CHD9: variants seen among roughly 807,000 people sequenced by gnomAD.
CHD9 encodes ATP-dependent chromatin remodeler CHD9.
CHD9 carries 77 observed loss-of-function variants against 316.1 expected under a neutral mutation model. That is an observed-to-expected ratio of 0.24 (90% CI 0.20 to 0.29). The LOEUF is 0.29. CHD9 is among the 10% of genes least tolerant of loss of function. CHD9 has a pLI of 1.00. For synonymous variants in CHD9, 1,129 were observed against 1,158.3 expected (o/e 0.97, Z 0.51); for missense variants, 2,763 against 3,438.1 (o/e 0.80, Z 4.91).
chr16:53,179,790 G>A (rs922570422), intron 2 of CHD9, among the ~76,000 whole-genome samples: 29 of 151,648 alleles, frequency 1.9e-4, no homozygotes, highest in Non-Finnish European at 2.9e-4. Flanking sequence ...CCAGCTGCTC[G>A]GGAGGCTGAG....
chr16:53,313,095 C>G (rs932312141), intron 34 of CHD9, among the ~76,000 whole-genome samples: 4 of 152,108 alleles, frequency 2.6e-5, no homozygotes, highest in African/African-American at 7.2e-5. Context: ...GGAACTGTTT[C>G]ATTCATACCC....
chr16:53,206,681 G>A (rs1314948202), intron 2 of CHD9, among the ~76,000 whole-genome samples: 1 of 152,082 alleles, frequency 6.6e-6, no homozygotes, highest in African/African-American at 2.4e-5. Context: ...GAAATATTAG[G>A]AATAGTGCCT....
chr16:53,304,658 C>G, intron 31 of CHD9, 33 bp downstream of exon 31: 2 of 1,229,076 alleles, frequency 1.6e-6, no homozygotes, highest in Non-Finnish European at 2.2e-6. Flanking sequence ...ACTTTTTTAA[C>G]ATAACTTTTC....
At chr16:53,166,999 C>A (rs535033933) in intron 2 of CHD9, among the ~76,000 whole-genome samples, 298 of 143,410 alleles carry the variant, frequency 2.1e-3, no homozygotes, top group Non-Finnish European at 3.5e-3. Flanking sequence ...TCATGACTTG[C>A]TTGCTGTCAC....
rs900932035 is a variant in CHD9 at position 53,226,643 on chromosome 16, G to A, written c.2043+131G>A. 8.0e-6 allele frequency: 8 copies of A among 996,956 alleles called. No individual in the cohort carries two copies. In the African/African-American group the frequency reaches 1.2e-4, roughly 15 times the overall value. The allele number at this position is 996,956 out of a possible 1,614,324, so 61.8% of individuals were successfully genotyped here. On this transcript the variant is annotated intron_variant, in intron 5 of 38. Coordinates refer to ENST00000447540, the MANE Select transcript of CHD9 (RefSeq NM_001308319.2). ...GGATTCCATATTATTAGTTAATTGA[G>A]TCATTCAAATTAGAAACCTAGGGAT...
intron 1 of CHD9, among the ~76,000 whole-genome samples, chr16:53,111,205 G>C (rs1349334791): frequency 6.6e-6 from 1 of 152,034 alleles, no homozygotes; most frequent in Non-Finnish European, 1.5e-5. Context: ...CAGAATGAGG[G>C]GGCTGGACTT....
intron 24 of CHD9, among the ~76,000 whole-genome samples, chr16:53,282,915 C>T (rs1052878874): frequency 1.3e-5 from 2 of 152,088 alleles, no homozygotes; most frequent in African/African-American, 2.4e-5. Flanking sequence ...TAGGCCTTCT[C>T]GTCACTTACT....
At chr16:53,057,028 T>G (rs2032222262) in intron 1 of CHD9, among the ~76,000 whole-genome samples, 1 of 152,046 alleles carries the variant, frequency 6.6e-6, no homozygotes, top group South Asian at 2.1e-4. Context: ...AATTTGTTTG[T>G]GGCCAGGCAT....
chr16:53,160,280 T>A (rs1320211272), intron 2 of CHD9, among the ~76,000 whole-genome samples: 1 of 152,216 alleles, frequency 6.6e-6, no homozygotes, highest in African/African-American at 2.4e-5. Flanking sequence ...GTTGCTTTTG[T>A]TTTGTTTTTT....
At chr16:53,145,048 A>G (rs2040457263) in intron 1 of CHD9, among the ~76,000 whole-genome samples, 1 of 152,020 alleles carries the variant, frequency 6.6e-6, no homozygotes, top group Admixed American at 6.5e-5. Context: ...TAAGTCAATT[A>G]AGCAAAGATA....
rs192377153 is a variant in CHD9, at chr16:53,073,920, G to A, written c.-165+18843G>A. 4.2e-3 allele frequency among the ~76,000 whole-genome samples: 644 copies of A among 152,300 alleles called. 5 individuals carry two copies. The highest frequency in any genetic ancestry group is 0.015 in the Admixed American group (224 of 15,304). On this transcript the variant is annotated intron_variant, in intron 1 of 38. Transcript: ENST00000447540. Reference sequence around the variant, plus strand: ...CGCTGCTGAAAAGATACCCAAAAATGTGGAAGCGACTTTGGAACTGGGTAA... The same window carrying A: ...CGCTGCTGAAAAGATACCCAAAAATATGGAAGCGACTTTGGAACTGGGTAA...
At chr16:53,285,953 A>T (rs2053834671) in intron 25 of CHD9, among the ~76,000 whole-genome samples, 1 of 152,084 alleles carries the variant, frequency 6.6e-6, no homozygotes, top group Non-Finnish European at 1.5e-5. Context: ...CTCATGTGAG[A>T]TATGTTTGTG....
chr16:53,326,699 A>C lies in CHD9; in HGVS notation c.*1804A>C, dbSNP rs944170583. ...GAAAATGATATATTACATATTTAGT[A>C]TCTTCCCTTTGCAGTATTGCACTTT... On this transcript the variant is annotated 3_prime_UTR_variant, in exon 39 of 39. Transcript: ENST00000447540. 1 of 152,394 alleles carries C rather than the reference A, an allele frequency of 6.6e-6. No individual in the cohort carries two copies. Among genetic ancestry groups the C allele is most frequent in the Non-Finnish European group, 1.5e-5 (1 of 67,888 alleles). The allele number at this position is 152,394 out of a possible 1,614,324, so 9.4% of individuals were successfully genotyped here. A position where few individuals can be genotyped will look rare whatever the true frequency, so the allele number is the denominator to read the frequency against.
chr16:53,285,897 C>G (rs2053829202), intron 25 of CHD9, among the ~76,000 whole-genome samples, 198 bp downstream of exon 25: 1 of 152,182 alleles, frequency 6.6e-6, no homozygotes, highest in African/African-American at 2.4e-5. Context: ...GTAACCTACC[C>G]TTCCTGGATG....
Position 53,324,851 on chromosome 16 carries a change from A to G in CHD9, c.8650A>G (p.Thr2884Ala). The G allele has an allele frequency of 6.2e-7, 1 of 1,609,568 alleles. No homozygotes were observed. The highest frequency in any genetic ancestry group is 8.5e-7 in the Non-Finnish European group (1 of 1,178,154). Reference protein sequence around the residue: ...KADASSGSDSTSSSSEDSDSS... With the variant: ...KADASSGSDSASSSSEDSDSS... ...TGATGCTTCATCTGGATCTGATAGT[A>G]CATCGTCGTCATCTGAGGATTCAGA... The change falls in exon 39 of 39, where the codon ACA becomes GCA. Residue 2884 changes from threonine (T) to alanine (A), a missense_variant. This residue lies in a region of CHD9 where 298 missense variants were observed against 380.2 expected (regional missense o/e 0.78). Transcript: ENST00000447540.
intron 1 of CHD9, among the ~76,000 whole-genome samples, chr16:53,100,551 T>TGAGCTCAAGTGATCCTCCC (rs1426686900): frequency 4.0e-5 from 6 of 150,898 alleles, no homozygotes; most frequent in Non-Finnish European, 4.4e-5. Context: ...CTGGGACTCC[T>TGAGCTCAAGTGATCCTCCC]GAGCTCAAGT....
At chr16:53,274,150 A>G (rs978085916) in intron 23 of CHD9, 63 bp from the exon 24 acceptor site, 3 of 975,394 alleles carry the variant, frequency 3.1e-6, no homozygotes, top group African/African-American at 3.2e-5. Context: ...TTTTAACCCC[A>G]TGTCCGAATA....
chr16:53,315,509 C>T (rs1362205709), intron 36 of CHD9, among the ~76,000 whole-genome samples: 3 of 152,136 alleles, frequency 2.0e-5, no homozygotes, highest in Non-Finnish European at 4.4e-5. Flanking sequence ...GACAGAGTCT[C>T]GCACTGTCAC....
At chr16:53,253,495 A>G (rs1248782352) in intron 17 of CHD9, among the ~76,000 whole-genome samples, 19 of 152,172 alleles carry the variant, frequency 1.2e-4, no homozygotes, top group Admixed American at 1.0e-3. Context: ...AGTGCAGTGT[A>G]TACTGCTTAG....
Sources: allele counts gnomAD v4.1 joint callset (sites outside exome capture counted in the v4.1 genomes callset), GRCh38; gene constraint gnomAD v4.1.1; regional missense constraint gnomAD v4.1.1; transcripts MANE v1.5; gene names NCBI Gene and HGNC (gene_info 2026-07-23, HGNC 2026-07-21).